Variants in SLC41A2 observed in about 807,000 individuals in gnomAD.
The protein encoded by SLC41A2 is SLC41A1-like 1.
A neutral mutation model predicts 58.3 loss-of-function variants in SLC41A2; 32 were observed. The ratio of observed to expected loss-of-function variants is 0.55; its 90% CI spans 0.41 to 0.74. The LOEUF is 0.74. Among genes scored for constraint, SLC41A2 ranks in the 30% least tolerant of loss-of-function variants. The pLI, the probability that SLC41A2 is intolerant of heterozygous loss-of-function variation, is 0.00. For synonymous variants in SLC41A2, 190 were observed against 235.0 expected, an observed-to-expected ratio of 0.81 and a Z score of 1.75; for missense variants, 514 against 680.6, an observed-to-expected ratio of 0.76 and a Z score of 2.72.
In SLC41A2 at chr12:104,897,778, G is replaced by T. The variant is rs547508301; in HGVS notation, c.664-2433C>A. 1.5e-4 allele frequency among the ~76,000 whole-genome samples: 23 copies of T among 152,280 alleles called. 1 individual carries two copies. Among genetic ancestry groups the T allele is most frequent in the Admixed American group, 1.5e-3 (23 of 15,302 alleles). Reference sequence around the variant, plus strand: ...GTTAGGGAAAATATGTATAGTATAGGCTTGCATTGGCATGTGGATAGAGGT... The same window carrying T: ...GTTAGGGAAAATATGTATAGTATAGTCTTGCATTGGCATGTGGATAGAGGT... On this transcript the variant is annotated intron_variant, in intron 3 of 10. Transcript: ENST00000258538.
intron 9 of SLC41A2, among the ~76,000 whole-genome samples, chr12:104,845,264 C>A (rs1362196124): frequency 6.6e-6 from 1 of 152,112 alleles, no homozygotes; most frequent in Non-Finnish European, 1.5e-5. Context: ...ATTCTCCAGC[C>A]TGTGCAACAG....
In SLC41A2 at chr12:104,853,911, A is replaced by ATTATTATTATTAT; in HGVS notation, c.1255+7379_1255+7380insATAATAATAATAA. Reference sequence around the variant, plus strand: ...GGGTGCATGTCACCATGCCTGGCTGATTTTTTTTTTTTTTTTTTTTTTTTT... The same window carrying ATTATTATTATTAT: ...GGGTGCATGTCACCATGCCTGGCTGATTATTATTATTATTTTTTTTTTTTTTTTTTTTTTTTTT... On this transcript the variant is annotated intron_variant, in intron 8 of 10. Coordinates refer to ENST00000258538, the MANE Select transcript of SLC41A2 (RefSeq NM_001352171.3). 2.2e-4 allele frequency among the ~76,000 whole-genome samples: 13 copies of ATTATTATTATTAT among 59,494 alleles called. 1 individual carries two copies. The highest frequency in any genetic ancestry group is 4.3e-4 in the Admixed American group (2 of 4,636). The allele number at this position is 59,494 out of a possible 152,430, so 39.0% of individuals were successfully genotyped here. A position where few individuals can be genotyped will look rare whatever the true frequency, so the allele number is the denominator to read the frequency against.
At position 104,889,129 on chromosome 12, in the gene SLC41A2, A is replaced by G. The variant is rs751600449; in HGVS notation, c.784T>C (p.Leu262=). 1.9e-6 allele frequency: 3 copies of G among 1,611,424 alleles called. No homozygotes were observed. In the East Asian group the frequency reaches 6.7e-5, roughly 36 times the overall value. The change falls in exon 5 of 11, where the codon TTG becomes CTG. Residue 262 remains leucine (L), a synonymous_variant. Transcript: ENST00000258538. The part of the protein sequence containing the change: ...GFLAAVAAII[L]GWIPEGKYYL... Reference sequence around the variant, plus strand: ...TATTTTCCTTCTGGAATCCAGCCCAATATAATTGCTGCCACAGCTGCTAGA... The same window carrying G: ...TATTTTCCTTCTGGAATCCAGCCCAGTATAATTGCTGCCACAGCTGCTAGA...
chr12:104,855,488 G>A (rs938952590), intron 8 of SLC41A2, among the ~76,000 whole-genome samples: 6 of 152,198 alleles, frequency 3.9e-5, no homozygotes, highest in Admixed American at 6.5e-5. Context: ...ACCCTTGAAC[G>A]TTATATAAAT....
Position 104,933,506 on chromosome 12 carries a change from C to T in SLC41A2, c.-167-4812G>A, listed in dbSNP as rs183039212. ...AAGAACTAAAAGTGGATCTACCATT[C>T]GATTCAGCAATCCCACTACTGAGTA... On this transcript the variant is annotated intron_variant, in intron 1 of 10. Coordinates refer to ENST00000258538, the MANE Select transcript of SLC41A2 (RefSeq NM_001352171.3). Among the ~76,000 whole-genome samples, 30 of 152,098 alleles carry T rather than the reference C, an allele frequency of 2.0e-4. 1 individual carries two copies. The highest frequency in any genetic ancestry group is 6.5e-4 in the African/African-American group (27 of 41,490).
chr12:104,806,553 G>GAC (rs1397763665), intron 10 of SLC41A2, among the ~76,000 whole-genome samples: 17 of 152,158 alleles, frequency 1.1e-4, no homozygotes, highest in Admixed American at 1.1e-3. Flanking sequence ...ACAGCAGCAT[G>GAC]ATTTATAATC....
chr12:104,827,552 A>AT (rs1037898933), intron 10 of SLC41A2, among the ~76,000 whole-genome samples: 58 of 152,374 alleles, frequency 3.8e-4, no homozygotes, highest in African/African-American at 1.3e-3. Context: ...TGTTGTTCGT[A>AT]TATTTCACTT....
At chr12:104,827,484 C>T (rs985515517) in intron 10 of SLC41A2, among the ~76,000 whole-genome samples, 5 of 152,164 alleles carry the variant, frequency 3.3e-5, no homozygotes, top group Admixed American at 2.0e-4. Flanking sequence ...AAAGTTTATC[C>T]GCTCCCATAT....
At chr12:104,916,510 C>T (rs530379448) in intron 2 of SLC41A2, among the ~76,000 whole-genome samples, 180 of 152,086 alleles carry the variant, frequency 1.2e-3, no homozygotes, top group Non-Finnish European at 2.0e-3. Context: ...GAGCCCGCAT[C>T]GCCAAGTCAA....
chr12:104,895,423 C>T lies in SLC41A2; in HGVS notation c.664-78G>A, dbSNP rs573285751. 5.1e-6 allele frequency: 5 copies of T among 972,712 alleles called. No individual in the cohort carries two copies. In the South Asian group the frequency reaches 7.1e-5, roughly 14 times the overall value. The allele number at this position is 972,712 out of a possible 1,614,324, so 60.3% of individuals were successfully genotyped here. A position where few individuals can be genotyped will look rare whatever the true frequency, so the allele number is the denominator to read the frequency against. Reference sequence around the variant, plus strand: ...GCTGTGTTCAAACAGCACATGAAATCTTAAAGCCCAAAATAATTCTTCAGT... The same window carrying T: ...GCTGTGTTCAAACAGCACATGAAATTTTAAAGCCCAAAATAATTCTTCAGT... On this transcript the variant is annotated intron_variant, in intron 3 of 10. Transcript: ENST00000258538.
chr12:104,948,421 G>GACCT (rs1431245715), intron 1 of SLC41A2, among the ~76,000 whole-genome samples: 24 of 150,924 alleles, frequency 1.6e-4, no homozygotes, highest in African/African-American at 5.6e-4. Context: ...AAGGAAAGGA[G>GACCT]ATCACCCATT....
intron 6 of SLC41A2, among the ~76,000 whole-genome samples, chr12:104,882,122 A>G (rs1375614681): frequency 2.0e-5 from 3 of 151,408 alleles, no homozygotes; most frequent in African/African-American, 7.3e-5. Context: ...GTTTTATCAG[A>G]GACTAGGATT....
chr12:104,857,954 A>T (rs868206317), intron 8 of SLC41A2, among the ~76,000 whole-genome samples: 5 of 152,180 alleles, frequency 3.3e-5, no homozygotes, highest in African/African-American at 1.2e-4. Flanking sequence ...TACATATGTA[A>T]CAAACCTGCA....
intron 10 of SLC41A2, among the ~76,000 whole-genome samples, chr12:104,818,778 G>A (rs947028298): frequency 1.3e-5 from 2 of 152,174 alleles, no homozygotes; most frequent in Non-Finnish European, 2.9e-5. Context: ...TCGGGAGGTT[G>A]AGGCAGGAGA....
chr12:104,875,846 T>C (rs2044016632), intron 6 of SLC41A2, among the ~76,000 whole-genome samples: 1 of 152,094 alleles, frequency 6.6e-6, no homozygotes, highest in Admixed American at 6.6e-5. Flanking sequence ...TTTCCTCTAG[T>C]TCTATGTTTT....
At chr12:104,860,859 G>C (rs1455639842) in intron 8 of SLC41A2, among the ~76,000 whole-genome samples, 2 of 152,106 alleles carry the variant, frequency 1.3e-5, no homozygotes, top group Non-Finnish European at 2.9e-5. Context: ...GCAGTCATGA[G>C]CCACTGTGCC....
chr12:104,829,949 T>C (rs140510463), intron 10 of SLC41A2, among the ~76,000 whole-genome samples: 1 of 152,342 alleles, frequency 6.6e-6, no homozygotes, highest in Non-Finnish European at 1.5e-5. Flanking sequence ...TGCACTATTA[T>C]GGCAGAGTTG....
chr12:104,879,560 T>C (rs1001487350), intron 6 of SLC41A2, among the ~76,000 whole-genome samples: 11 of 152,184 alleles, frequency 7.2e-5, no homozygotes, highest in South Asian at 6.2e-4. Flanking sequence ...GGAATCCTTC[T>C]CCCATTTCTT....
At chr12:104,900,534 G>A (rs2045509229) in intron 3 of SLC41A2, among the ~76,000 whole-genome samples, 1 of 152,192 alleles carries the variant, frequency 6.6e-6, no homozygotes, top group Admixed American at 6.5e-5. Flanking sequence ...CAGTAAAGCT[G>A]CAGAAATGGG....
Sources: allele counts gnomAD v4.1 joint callset (sites outside exome capture counted in the v4.1 genomes callset), GRCh38; gene constraint gnomAD v4.1.1; transcripts MANE v1.5; gene names NCBI Gene and HGNC (gene_info 2026-07-23, HGNC 2026-07-21).